TTLL9: variants seen among roughly 807,000 people sequenced by gnomAD.
The protein encoded by TTLL9 is probable tubulin polyglutamylase TTLL9.
A neutral mutation model predicts 65.6 loss-of-function variants in TTLL9; 47 were observed. That is an observed-to-expected ratio of 0.72 (90% CI 0.57 to 0.91). The LOEUF (loss-of-function observed/expected upper bound fraction) is 0.91, where lower values mean the gene tolerates loss of function less well. Among genes scored for constraint, TTLL9 ranks in the 40% least tolerant of loss-of-function variants. The probability of loss-of-function intolerance (pLI) is 0.00; values close to 1 mark genes in which losing one functional copy is unlikely to be tolerated. For synonymous variants in TTLL9, 179 were observed against 204.8 expected, an observed-to-expected ratio of 0.87 and a Z score of 1.07; for missense variants, 537 against 568.8, an observed-to-expected ratio of 0.94 and a Z score of 0.57.
At chr20:31,926,148 T>G (rs2063903155) in intron 10 of TTLL9, 57 bp downstream of exon 10, 1 of 1,246,984 alleles carries the variant, frequency 8.0e-7, no homozygotes, top group South Asian at 1.2e-5. Flanking sequence ...TGGGGGTGAT[T>G]CCATGGGAGA....
chr20:31,909,379 T>C (rs1202586303), intron 5 of TTLL9, among the ~76,000 whole-genome samples: 2 of 152,034 alleles, frequency 1.3e-5, no homozygotes, highest in Non-Finnish European at 2.9e-5. Context: ...CCTGACCTTG[T>C]GATCCGCCCA....
intron 14 of TTLL9, 95 bp from the exon 15 acceptor site, chr20:31,942,850 C>A: frequency 8.1e-7 from 1 of 1,234,706 alleles, no homozygotes. Flanking sequence ...GTCTGACTCC[C>A]GCTGTCCCCT....
intron 6 of TTLL9, among the ~76,000 whole-genome samples, chr20:31,919,027 G>C (rs551914433): frequency 2.0e-5 from 3 of 152,328 alleles, no homozygotes; most frequent in Non-Finnish European, 4.4e-5. Context: ...GAGGAGAACA[G>C]AAGGAAATGA....
chr20:31,901,731 C>T (rs574903753), intron 4 of TTLL9, among the ~76,000 whole-genome samples: 1 of 152,340 alleles, frequency 6.6e-6, no homozygotes, highest in East Asian at 1.9e-4. Context: ...GACTAGGCTG[C>T]ACCTCCTTAT....
chr20:31,879,840 G>T (rs1210632854), intron 2 of TTLL9: 2 of 1,549,782 alleles, frequency 1.3e-6, no homozygotes, highest in Admixed American at 3.9e-5. Flanking sequence ...AGCACGCGAG[G>T]CGCGCGGTGG....
chr20:31,907,515 A>T (rs1429953920), intron 4 of TTLL9, among the ~76,000 whole-genome samples: 1 of 152,186 alleles, frequency 6.6e-6, no homozygotes, highest in African/African-American at 2.4e-5. Context: ...TGAGGTCAGG[A>T]GTTCGAGGCC....
intron 10 of TTLL9, among the ~76,000 whole-genome samples, chr20:31,927,974 C>A (rs530414854): frequency 6.6e-6 from 1 of 151,244 alleles, no homozygotes; most frequent in Non-Finnish European, 1.5e-5. Flanking sequence ...ACTTCCAGTA[C>A]GTTCATTTTA....
chr20:31,924,967 T>G, intron 8 of TTLL9, 42 bp from the exon 9 acceptor site: 4 of 1,610,716 alleles, frequency 2.5e-6, no homozygotes, highest in Non-Finnish European at 3.4e-6. Flanking sequence ...TGTCTGACGA[T>G]CAATATTTGT....
chr20:31,909,952 GA>G, intron 6 of TTLL9, 30 bp downstream of exon 6: 1 of 1,327,174 alleles, frequency 7.5e-7, no homozygotes, highest in Non-Finnish European at 1.1e-6. Flanking sequence ...GGCTGGGTGG[GA>G]GGGAATGAGT....
In TTLL9 at chr20:31,870,794, C is replaced by G. The variant is rs2062911722; in HGVS notation, c.-161C>G. 1 of 489,712 alleles carries G rather than the reference C, an allele frequency of 2.0e-6. No homozygotes were observed. Among genetic ancestry groups the G allele is most frequent in the Non-Finnish European group, 3.5e-6 (1 of 284,476 alleles). 30.3% of individuals were successfully genotyped at this position (489,712 alleles called of 1,614,324 possible). A position where few individuals can be genotyped will look rare whatever the true frequency, so the allele number is the denominator to read the frequency against. On this transcript the variant is annotated 5_prime_UTR_variant, in exon 1 of 15. Coordinates refer to ENST00000535842, the MANE Select transcript of TTLL9 (RefSeq NM_001008409.5). The surrounding 1 kb of genome is among the most constrained non-coding windows in gnomAD (Gnocchi z 6.6). Reference sequence around the variant, plus strand: ...TAGAGCCCCCCGGCCGGCCCACAAACTCCCGTCCCCCTTCCGGCTCTGCCT... The same window carrying G: ...TAGAGCCCCCCGGCCGGCCCACAAAGTCCCGTCCCCCTTCCGGCTCTGCCT...
intron 9 of TTLL9, among the ~76,000 whole-genome samples, chr20:31,925,378 CCAGGGAGG>C (rs2063883957): frequency 1.3e-5 from 2 of 152,150 alleles, no homozygotes; most frequent in Admixed American, 1.3e-4. Context: ...TCCTAATAAC[CCAGGGAGG>C]CAGGTTCTAT....
chr20:31,933,266 C>A (rs1365743032), intron 10 of TTLL9, among the ~76,000 whole-genome samples: 1 of 152,068 alleles, frequency 6.6e-6, no homozygotes, highest in Non-Finnish European at 1.5e-5. Flanking sequence ...CCAAGGCCAC[C>A]CTGACCCTAT....
chr20:31,914,006 C>G (rs2063695728), intron 6 of TTLL9, among the ~76,000 whole-genome samples: 1 of 152,204 alleles, frequency 6.6e-6, no homozygotes, highest in South Asian at 2.1e-4. Flanking sequence ...GGGACAGGGC[C>G]TATCTATCTG....
chr20:31,896,346 A>G (rs181361295), intron 3 of TTLL9, among the ~76,000 whole-genome samples: 68 of 152,272 alleles, frequency 4.5e-4, no homozygotes, highest in African/African-American at 1.6e-3. Flanking sequence ...TTCACACACC[A>G]CTAATTATAA....
intron 10 of TTLL9, among the ~76,000 whole-genome samples, chr20:31,929,596 T>A (rs2063970317): frequency 6.6e-6 from 1 of 152,198 alleles, no homozygotes; most frequent in South Asian, 2.1e-4. Flanking sequence ...TGTAGACTTT[T>A]TTTTTTTCAT....
chr20:31,873,091 A>C, intron 2 of TTLL9: 1 of 500,838 alleles, frequency 2.0e-6, no homozygotes, highest in Non-Finnish European at 4.0e-6. Flanking sequence ...GAAGCTGGAA[A>C]GAAGGGGATG....
intron 6 of TTLL9, among the ~76,000 whole-genome samples, chr20:31,912,959 A>T (rs1162871352): frequency 2.6e-5 from 4 of 152,016 alleles, no homozygotes. Flanking sequence ...GGAGCTTGAG[A>T]CCAGCCTGGG....
At chr20:31,939,782 T>G (rs1356602822) in intron 14 of TTLL9, 3 of 152,552 alleles carry the variant, frequency 2.0e-5, no homozygotes, top group Admixed American at 2.0e-4. Context: ...ATTTTACAGA[T>G]GAGGAAATGA....
In TTLL9 at chr20:31,870,713, G is replaced by T. The variant is rs143779840; in HGVS notation, c.-242G>T. ...GGCCGCCACCTCCGGAGGTGGGGGC[G>T]GGGGCCTTACCCCACCCTGGCACCG... On this transcript the variant is annotated 5_prime_UTR_variant, in exon 1 of 15. Coordinates refer to ENST00000535842, the MANE Select transcript of TTLL9 (RefSeq NM_001008409.5). The surrounding 1 kb of genome is among the most constrained non-coding windows in gnomAD (Gnocchi z 6.6). 198 of 727,236 alleles carry T rather than the reference G, an allele frequency of 2.7e-4. 1 individual carries two copies. In the East Asian group the frequency reaches 6.2e-3, roughly 23 times the overall value. 45.0% of individuals were successfully genotyped at this position (727,236 alleles called of 1,614,324 possible). A position where few individuals can be genotyped will look rare whatever the true frequency, so the allele number is the denominator to read the frequency against.
Sources: allele counts gnomAD v4.1 joint callset (sites outside exome capture counted in the v4.1 genomes callset), GRCh38; gene constraint gnomAD v4.1.1; non-coding constraint Gnocchi (gnomAD v3.1); transcripts MANE v1.5; gene names NCBI Gene and HGNC (gene_info 2026-07-23, HGNC 2026-07-21).